Variants in CFAP96 observed in about 807,000 individuals in gnomAD.
CFAP96 encodes the protein cilia and flagella associated protein 96.
chr4:185,440,665 AGAG>A, the CFAP96 span: 9 of 1,510,086 alleles, frequency 6.0e-6, no homozygotes, highest in South Asian at 3.7e-5. Context: ...TTAAAAAAGA[AGAG>A]AAGAAGAAAA....
chr4:185,412,139 T>C, the CFAP96 span, among the ~76,000 whole-genome samples: 1 of 152,232 alleles, frequency 6.6e-6, no homozygotes, highest in Non-Finnish European at 1.5e-5. Flanking sequence ...AATTTGCATA[T>C]GTTATATGTA....
At chr4:185,432,217 G>A in the CFAP96 span, 1 of 1,540,416 alleles carries the variant, frequency 6.5e-7, no homozygotes, top group Non-Finnish European at 8.8e-7. Flanking sequence ...TGTTTTTTGG[G>A]AAAAGTCTTA....
At chr4:185,415,159 C>G in the CFAP96 span, 1 of 1,590,700 alleles carries the variant, frequency 6.3e-7, no homozygotes, top group Non-Finnish European at 8.5e-7. Flanking sequence ...TTTTACCTTC[C>G]TATAGGCCTG....
At chr4:185,424,834 A>C in the CFAP96 span, among the ~76,000 whole-genome samples, 3 of 152,236 alleles carry the variant, frequency 2.0e-5, no homozygotes, top group Non-Finnish European at 4.4e-5. Flanking sequence ...AACTGGAAAA[A>C]TACACAACTT....
the CFAP96 span, chr4:185,415,969 A>C: frequency 9.9e-7 from 1 of 1,015,192 alleles, no homozygotes; most frequent in Non-Finnish European, 1.4e-6. Context: ...ATTAAGAAAA[A>C]AATTTAAGAC....
At chr4:185,423,813 TAC>T in the CFAP96 span, among the ~76,000 whole-genome samples, 670 of 150,848 alleles carry the variant, frequency 4.4e-3, 1 homozygote, top group African/African-American at 0.011. Flanking sequence ...CATACATATA[TAC>T]ACACACACAC....
At chr4:185,436,712 A>AAATAATAATAAAT in the CFAP96 span, among the ~76,000 whole-genome samples, 1 of 144,130 alleles carries the variant, frequency 6.9e-6, no homozygotes, top group Admixed American at 7.0e-5. Flanking sequence ...TCCGTCTCAA[A>AAATAATAATAAAT]AATAATAATA....
chr4:185,439,816 CAT>C, the CFAP96 span, among the ~76,000 whole-genome samples: 1 of 146,134 alleles, frequency 6.8e-6, no homozygotes, highest in African/African-American at 2.5e-5. Flanking sequence ...TACATATACT[CAT>C]ATATGTATAT....
At chr4:185,422,449 ATTTTC>A in the CFAP96 span, 2 of 1,494,828 alleles carry the variant, frequency 1.3e-6, no homozygotes, top group South Asian at 2.4e-5. Flanking sequence ...TTCACTATCA[ATTTTC>A]TAATAAAAAA....
the CFAP96 span, among the ~76,000 whole-genome samples, chr4:185,419,139 CT>C: frequency 8.7e-5 from 13 of 148,758 alleles, no homozygotes; most frequent in East Asian, 7.9e-4. Flanking sequence ...TACATCTTTT[CT>C]TTTTTTTTTG....
the CFAP96 span, chr4:185,445,393 C>T: frequency 2.0e-5 from 17 of 842,240 alleles, no homozygotes; most frequent in South Asian, 1.3e-4. Context: ...AAATATATAG[C>T]GCCTCATTAT....
At chr4:185,428,102 AT>A in the CFAP96 span, among the ~76,000 whole-genome samples, 6 of 142,268 alleles carry the variant, frequency 4.2e-5, no homozygotes, top group East Asian at 6.3e-4. Context: ...AAAAAAAAAA[AT>A]GGTTCTTACT....
the CFAP96 span, among the ~76,000 whole-genome samples, chr4:185,429,673 C>T: frequency 6.6e-6 from 1 of 152,146 alleles, no homozygotes. Flanking sequence ...TAAGCGATAT[C>T]ATTTATTTAT....
the CFAP96 span, chr4:185,415,641 G>T: frequency 1.5e-6 from 2 of 1,365,850 alleles, no homozygotes; most frequent in South Asian, 1.3e-5. Flanking sequence ...ATACCTACAG[G>T]ATATACAAAC....
the CFAP96 span, chr4:185,415,227 T>G: frequency 6.2e-7 from 1 of 1,606,468 alleles, no homozygotes; most frequent in Non-Finnish European, 8.5e-7. Context: ...TTTTTTTCCC[T>G]GGTAATAAAA....
the CFAP96 span, among the ~76,000 whole-genome samples, chr4:185,438,841 G>T: frequency 2.0e-5 from 3 of 152,166 alleles, no homozygotes; most frequent in East Asian, 5.8e-4. Flanking sequence ...TACTCCGTCC[G>T]ATGCCCTGTG....
chr4:185,419,324 G>A, the CFAP96 span, among the ~76,000 whole-genome samples: 4 of 152,030 alleles, frequency 2.6e-5, no homozygotes, highest in African/African-American at 9.7e-5. Flanking sequence ...TAGAGACGGG[G>A]TTTCACCACG....
chr4:185,413,605 G>A, the CFAP96 span: 6 of 990,948 alleles, frequency 6.1e-6, no homozygotes, highest in East Asian at 1.6e-4. Flanking sequence ...ACAGAGATGG[G>A]TGATAAATCA....
chr4:185,408,656 CCT>C, the CFAP96 span, among the ~76,000 whole-genome samples: 63 of 152,168 alleles, frequency 4.1e-4, 1 homozygote, highest in African/African-American at 1.5e-3. Flanking sequence ...TACCTTCTGG[CCT>C]CCTCTCCAAT....
Sources: allele counts gnomAD v4.1 joint callset (sites outside exome capture counted in the v4.1 genomes callset), GRCh38; gene constraint gnomAD v4.1.1; transcripts MANE v1.5; gene names NCBI Gene and HGNC (gene_info 2026-07-23, HGNC 2026-07-21).